EFCAB11: variants seen among roughly 807,000 people sequenced by gnomAD.
EFCAB11 encodes EF-hand calcium binding domain 11.
In EFCAB11, 14 loss-of-function variants were observed where a neutral mutation model predicts 23.0. The observed-to-expected ratio is 0.61, with a 90% confidence interval of 0.40 to 0.95. The LOEUF (loss-of-function observed/expected upper bound fraction) is 0.95. Ranked by LOEUF, EFCAB11 falls within the 40% of genes least tolerant of loss-of-function variation. The pLI, the probability that EFCAB11 is intolerant of heterozygous loss-of-function variation, is 0.00. For missense variants in EFCAB11, 198 were observed against 195.8 expected, an observed-to-expected ratio of 1.01 and a Z score of -0.07; for synonymous variants, 65 against 66.6, an observed-to-expected ratio of 0.98 and a Z score of 0.11.
rs149475339 is a variant in EFCAB11, at chr14:89,822,730, T to A, written c.411-25406A>T. Among the ~76,000 whole-genome samples, 450 of 152,320 alleles carry A rather than the reference T, an allele frequency of 3.0e-3. 1 individual carries two copies. The highest frequency in any genetic ancestry group is 0.011 in the African/African-American group (440 of 41,576). On this transcript the variant is annotated intron_variant, in intron 5 of 5. Coordinates refer to ENST00000316738, the MANE Select transcript of EFCAB11 (RefSeq NM_145231.4). The stretch of plus-strand genomic sequence containing the variant: ...GACTTCACAGAGGGCTTGTGCATGC[T>A]GAGGTTCTGACTACTGAGAGTGGAG...
chr14:89,821,503 T>C (rs1173053856), intron 5 of EFCAB11, among the ~76,000 whole-genome samples: 1 of 152,036 alleles, frequency 6.6e-6, no homozygotes, highest in African/African-American at 2.4e-5. Context: ...ATCTAGGAAA[T>C]AGGAATATAA....
intron 5 of EFCAB11, among the ~76,000 whole-genome samples, chr14:89,929,031 A>ATATATATATATATATATATATATATTT (rs533468035): frequency 1.7e-4 from 22 of 129,632 alleles, no homozygotes; most frequent in African/African-American, 6.3e-4. Context: ...AAATACATAC[A>ATATATATATATATATATATATATATTT]TATATATATA....
chr14:89,801,851 G>A lies in EFCAB11; in HGVS notation c.411-4527C>T, dbSNP rs185317806. Reference sequence around the variant, plus strand: ...TCTACTAAAAATACAAAAATTAGCCGGGCATGGTGACGCACACCTATAATC... The same window carrying A: ...TCTACTAAAAATACAAAAATTAGCCAGGCATGGTGACGCACACCTATAATC... On this transcript the variant is annotated intron_variant, in intron 5 of 5. Transcript: ENST00000316738. Among the ~76,000 whole-genome samples the A allele has an allele frequency of 2.4e-3, 368 of 152,044 alleles. 1 individual carries two copies. The highest frequency in any genetic ancestry group is 3.7e-3 in the East Asian group (19 of 5,178).
intron 5 of EFCAB11, among the ~76,000 whole-genome samples, chr14:89,851,835 G>A (rs1887609397): frequency 6.6e-6 from 1 of 152,194 alleles, no homozygotes; most frequent in South Asian, 2.1e-4. Context: ...GAAGAGGGAT[G>A]GCAGTTATTT....
At chr14:89,849,371 C>A (rs907560165) in intron 5 of EFCAB11, among the ~76,000 whole-genome samples, 1 of 152,194 alleles carries the variant, frequency 6.6e-6, no homozygotes, top group Non-Finnish European at 1.5e-5. Flanking sequence ...TGGAAGAGTA[C>A]AAATGTCCAA....
chr14:89,937,917 TA>T (rs1327951268), intron 3 of EFCAB11: 3 of 152,004 alleles, frequency 2.0e-5, no homozygotes, highest in Admixed American at 6.6e-5. Flanking sequence ...CTAGAAAGAT[TA>T]TTTTTTTTTA....
intron 5 of EFCAB11, among the ~76,000 whole-genome samples, chr14:89,910,561 C>A (rs752158012): frequency 1.3e-4 from 20 of 152,028 alleles, no homozygotes; most frequent in Non-Finnish European, 2.4e-4. Flanking sequence ...TGTGTCACTG[C>A]ACTCCAGCCT....
intron 5 of EFCAB11, among the ~76,000 whole-genome samples, chr14:89,901,936 G>A (rs1220540421): frequency 2.0e-5 from 3 of 151,792 alleles, no homozygotes; most frequent in Non-Finnish European, 4.4e-5. Context: ...TAAGTATAAT[G>A]CAAATATTAC....
intron 5 of EFCAB11, among the ~76,000 whole-genome samples, chr14:89,923,071 A>C (rs1158564344): frequency 6.6e-6 from 1 of 152,222 alleles, no homozygotes; most frequent in Non-Finnish European, 1.5e-5. Flanking sequence ...AGTTAGCTTA[A>C]ATGAAGAAAC....
chr14:89,932,865 T>C (rs1025008469), intron 3 of EFCAB11, among the ~76,000 whole-genome samples: 3 of 152,242 alleles, frequency 2.0e-5, no homozygotes, highest in Non-Finnish European at 4.4e-5. Context: ...AAGACACTTT[T>C]AGGGTTCACT....
intron 5 of EFCAB11, among the ~76,000 whole-genome samples, chr14:89,878,963 T>C (rs1888523545): frequency 6.6e-6 from 1 of 152,144 alleles, no homozygotes; most frequent in South Asian, 2.1e-4. Context: ...TAAAACAATG[T>C]CTACTTGGTA....
rs376088478 is a variant in EFCAB11, at chr14:89,803,611, T to C, written c.411-6287A>G. Among the ~76,000 whole-genome samples the C allele has an allele frequency of 4.9e-4, 75 of 152,334 alleles. No homozygotes were observed. In the South Asian group the frequency reaches 7.0e-3, roughly 14 times the overall value. Reference sequence around the variant, plus strand: ...AAAGGGAGAGAGCAGCTTTTTCTCTTTGATTCTTTATGGAATAATTTAAAC... The same window carrying C: ...AAAGGGAGAGAGCAGCTTTTTCTCTCTGATTCTTTATGGAATAATTTAAAC... On this transcript the variant is annotated intron_variant, in intron 5 of 5. Transcript: ENST00000316738.
At chr14:89,908,101 G>A (rs1227715588) in intron 5 of EFCAB11, among the ~76,000 whole-genome samples, 1 of 152,222 alleles carries the variant, frequency 6.6e-6, no homozygotes, top group Non-Finnish European at 1.5e-5. Context: ...ACAGTGAAGA[G>A]GAGGGGTGGA....
At chr14:89,800,040 G>A (rs1885721732) in intron 5 of EFCAB11, among the ~76,000 whole-genome samples, 1 of 152,056 alleles carries the variant, frequency 6.6e-6, no homozygotes, top group Non-Finnish European at 1.5e-5. Context: ...ACAATAATTA[G>A]CCAGGCATGG....
chr14:89,919,664 GGTATTA>G (rs1475528680), intron 5 of EFCAB11, among the ~76,000 whole-genome samples: 1 of 152,116 alleles, frequency 6.6e-6, no homozygotes, highest in Non-Finnish European at 1.5e-5. Context: ...GAGAGTAAAG[GGTATTA>G]GTATTAGTAC....
intron 3 of EFCAB11, among the ~76,000 whole-genome samples, chr14:89,933,442 AC>A (rs926110278): frequency 2.6e-5 from 4 of 152,092 alleles, no homozygotes; most frequent in African/African-American, 9.7e-5. Context: ...TAGCCTCCAA[AC>A]ATACAATAAC....
At position 89,924,600 on chromosome 14, in the gene EFCAB11, T is replaced by C. The variant is rs1890130209; in HGVS notation, c.410+6941A>G. ...AGCCAGAAATACCACAGGGTGTTGA[T>C]GGCAGGCAAAGTCAAGAAAGAACTT... is the stretch of plus-strand genomic sequence containing the variant. On this transcript the variant is annotated intron_variant, in intron 5 of 5. Transcript: ENST00000316738. 8 of 1,534,658 alleles carry C rather than the reference T, an allele frequency of 5.2e-6. No individual in the cohort carries two copies. In the South Asian group the frequency reaches 6.0e-5, roughly 11 times the overall value.
chr14:89,935,717 T>C (rs895156114), intron 3 of EFCAB11, among the ~76,000 whole-genome samples: 1 of 152,090 alleles, frequency 6.6e-6, no homozygotes, highest in Non-Finnish European at 1.5e-5. Flanking sequence ...CTACTAAAAA[T>C]ACAAAAATTA....
chr14:89,819,830 A>G (rs1020339036), intron 5 of EFCAB11, among the ~76,000 whole-genome samples: 1 of 152,200 alleles, frequency 6.6e-6, no homozygotes, highest in Admixed American at 6.5e-5. Context: ...AAGTATGTTA[A>G]ATTATTAAAT....
Sources: allele counts gnomAD v4.1 joint callset (sites outside exome capture counted in the v4.1 genomes callset), GRCh38; gene constraint gnomAD v4.1.1; transcripts MANE v1.5; gene names NCBI Gene and HGNC (gene_info 2026-07-23, HGNC 2026-07-21).